COL10A1: variants seen among roughly 807,000 people sequenced by gnomAD.
COL10A1 encodes collagen type X alpha 1 chain.
COL10A1 carries 10 observed loss-of-function variants against 18.2 expected under a neutral mutation model. The ratio of observed to expected loss-of-function variants is 0.55; its 90% CI spans 0.34 to 0.93. COL10A1 has a LOEUF of 0.93. Ranked by LOEUF, COL10A1 falls within the 40% of genes least tolerant of loss-of-function variation. COL10A1 has a pLI of 0.02. For missense variants in COL10A1, 897 were observed against 853.5 expected (o/e 1.05, Z -0.64); for synonymous variants, 330 against 316.6 (o/e 1.04, Z -0.45).
intron 1 of COL10A1, among the ~76,000 whole-genome samples, chr6:116,146,746 G>T (rs1013156895): frequency 4.6e-5 from 7 of 151,880 alleles, no homozygotes; most frequent in Admixed American, 4.6e-4. Flanking sequence ...AGAAAGTTCA[G>T]AAATAGACCC....
the COL10A1 span, among the ~76,000 whole-genome samples, chr6:116,216,005 T>C: frequency 6.6e-6 from 1 of 152,148 alleles, no homozygotes; most frequent in South Asian, 2.1e-4. Context: ...TTCCATAATA[T>C]ACACTTTTTC....
At chr6:116,207,035 A>C in the COL10A1 span, among the ~76,000 whole-genome samples, 1 of 151,986 alleles carries the variant, frequency 6.6e-6, no homozygotes, top group South Asian at 2.1e-4. Flanking sequence ...CACTTATGTC[A>C]TATGCTTTCT....
the COL10A1 span, among the ~76,000 whole-genome samples, chr6:116,168,355 C>G: frequency 6.6e-6 from 1 of 151,912 alleles, no homozygotes; most frequent in South Asian, 2.1e-4. Flanking sequence ...ATTCTCTCTT[C>G]AGTTGCGTCT....
At chr6:116,122,004 T>G (rs935234435) in intron 2 of COL10A1, 43 bp from the exon 3 acceptor site, 8 of 1,528,680 alleles carry the variant, frequency 5.2e-6, no homozygotes, top group Non-Finnish European at 7.2e-6. Context: ...AAGGGGATGG[T>G]TAGTGACATT....
chr6:116,211,669 C>G, the COL10A1 span, among the ~76,000 whole-genome samples: 2 of 151,940 alleles, frequency 1.3e-5, no homozygotes, highest in African/African-American at 2.4e-5. Flanking sequence ...ATATTTATTC[C>G]TGGACAAACT....
chr6:116,216,587 A>T, the COL10A1 span, among the ~76,000 whole-genome samples: 2 of 151,980 alleles, frequency 1.3e-5, no homozygotes, highest in African/African-American at 4.8e-5. Flanking sequence ...CTTTCCAAGT[A>T]TTATGTTTAG....
rs571252956 is a variant in COL10A1, at chr6:116,121,747, A to G, written c.369T>C (p.Tyr123=). 5 of 1,613,364 alleles carry G rather than the reference A, an allele frequency of 3.1e-6. No individual in the cohort carries two copies. The East Asian group carries it at 1.1e-4, about 36-fold the overall frequency. The stretch of plus-strand genomic sequence containing the variant: ...CTGGTCCAACATCTCCTTTTGGTCC[A>G]TATGGTCCTCTCTCTCCTGGTTTTC... ...LPGKPGERGP[Y]GPKGDVGPAG... Residue 123 remains tyrosine, a synonymous_variant, in exon 3 of 3, where the codon TAT becomes TAC. Coordinates refer to ENST00000651968, the MANE Select transcript of COL10A1 (RefSeq NM_000493.4).
rs758947447 is a variant in COL10A1, at chr6:116,121,095, C to A, written c.1021G>T (p.Gly341Trp). ...PGKPGLTGPP[G>W]NMGPQGPKGI... Reference sequence around the variant, plus strand: ...TTTGGTCCTTGGGGTCCCATATTCCCAGGGGGTCCAGTCAGACCTGGCTTC... The same window carrying A: ...TTTGGTCCTTGGGGTCCCATATTCCAAGGGGGTCCAGTCAGACCTGGCTTC... Residue 341 changes from glycine (G) to tryptophan (W), a missense_variant, in exon 3 of 3, where the codon GGG becomes TGG. Transcript: ENST00000651968. 6.2e-7 allele frequency: 1 copy of A among 1,613,828 alleles called. No homozygotes were observed. Among genetic ancestry groups the A allele is most frequent in the Non-Finnish European group, 8.5e-7 (1 of 1,179,930 alleles).
chr6:116,179,478 C>T, the COL10A1 span, among the ~76,000 whole-genome samples: 1 of 151,966 alleles, frequency 6.6e-6, no homozygotes, highest in South Asian at 2.1e-4. Context: ...AGGCTAAGAA[C>T]CCGAATAGAC....
At chr6:116,150,576 C>T (rs532808466) in intron 1 of COL10A1, among the ~76,000 whole-genome samples, 2 of 152,188 alleles carry the variant, frequency 1.3e-5, no homozygotes, top group African/African-American at 4.8e-5. Context: ...TGAGTCACTG[C>T]ACCTGGCCTT....
At chr6:116,196,518 A>G in the COL10A1 span, among the ~76,000 whole-genome samples, 3 of 152,072 alleles carry the variant, frequency 2.0e-5, no homozygotes, top group African/African-American at 7.2e-5. Context: ...TTGGTTTTTA[A>G]TAGCACAAAG....
At chr6:116,182,614 G>A in the COL10A1 span, among the ~76,000 whole-genome samples, 5 of 151,788 alleles carry the variant, frequency 3.3e-5, no homozygotes, top group African/African-American at 9.7e-5. Flanking sequence ...TATGGTTTTG[G>A]TTTGCATTTC....
the COL10A1 span, among the ~76,000 whole-genome samples, chr6:116,193,851 A>G: frequency 2.0e-5 from 3 of 152,004 alleles, no homozygotes; most frequent in Admixed American, 6.6e-5. Flanking sequence ...CAGGCAGATC[A>G]CTTGAGCCCA....
the COL10A1 span, among the ~76,000 whole-genome samples, chr6:116,178,705 A>G: frequency 6.6e-6 from 1 of 152,236 alleles, no homozygotes; most frequent in Non-Finnish European, 1.5e-5. Context: ...CCAGAAATAT[A>G]GAGCAGTTTC....
chr6:116,200,396 C>T, the COL10A1 span, among the ~76,000 whole-genome samples: 5 of 151,858 alleles, frequency 3.3e-5, no homozygotes, highest in Non-Finnish European at 7.4e-5. Context: ...GAAGTGAGGA[C>T]TTTAGTTAAT....
chr6:116,121,079 T>TG lies in COL10A1; in HGVS notation c.1036dup (p.Gln346ProfsTer9). The stretch of plus-strand genomic sequence containing the variant: ...GCTACCCGGGATGCCTTTTGGTCCT[T>TG]GGGGTCCCATATTCCCAGGGGGTCC... On this transcript the variant is annotated frameshift_variant, in exon 3 of 3. Transcript: ENST00000651968. LOFTEE classifies it high-confidence loss of function. 1.9e-6 allele frequency: 3 copies of TG among 1,613,968 alleles called. No homozygotes were observed. Among genetic ancestry groups the TG allele is most frequent in the Non-Finnish European group, 2.5e-6 (3 of 1,179,928 alleles).
chr6:116,173,610 C>T, the COL10A1 span, among the ~76,000 whole-genome samples: 1 of 152,140 alleles, frequency 6.6e-6, no homozygotes, highest in African/African-American at 2.4e-5. Context: ...TGGTAAAAAT[C>T]AGACCCAGCT....
Position 116,120,629 on chromosome 6 carries a change from C to A in COL10A1, c.1487G>T (p.Gly496Val). Reference sequence around the variant, plus strand: ...AGGCTCTCCAGAGTGGCCTCTTGGACCTGGAGGCCCTGGTGGCCCGGTGGG... The same window carrying A: ...AGGCTCTCCAGAGTGGCCTCTTGGAACTGGAGGCCCTGGTGGCCCGGTGGG... ...NGPTGPPGPP[G>V]PRGHSGEPGL... Residue 496 changes from glycine (G) to valine (V), a missense_variant, in exon 3 of 3, where the codon GGT becomes GTT. Gly to Val is a moderately radical substitution (Grantham distance 109). Coordinates refer to ENST00000651968, the MANE Select transcript of COL10A1 (RefSeq NM_000493.4). 1 of 1,554,040 alleles carries A rather than the reference C, an allele frequency of 6.4e-7. No homozygotes were observed. Among genetic ancestry groups the A allele is most frequent in the East Asian group, 2.2e-5 (1 of 44,536 alleles).
upstream of COL10A1, among the ~76,000 whole-genome samples, chr6:116,163,141 A>AAAATATAT (rs761718922): frequency 1.7e-4 from 15 of 88,396 alleles, no homozygotes; most frequent in African/African-American, 6.3e-4. Context: ...AAAAAAAAAA[A>AAAATATAT]ATATATATAT....
Sources: allele counts gnomAD v4.1 joint callset (sites outside exome capture counted in the v4.1 genomes callset), GRCh38; gene constraint gnomAD v4.1.1; transcripts MANE v1.5; gene names NCBI Gene and HGNC (gene_info 2026-07-23, HGNC 2026-07-21).